The following WDPCP variants were observed in gnomAD, a reference collection of about 807,000 sequenced individuals.
WDPCP encodes WD repeat containing planar cell polarity effector.
WDPCP carries 71 observed loss-of-function variants against 93.1 expected under a neutral mutation model. The ratio of observed to expected loss-of-function variants is 0.76; its 90% CI spans 0.63 to 0.93. The LOEUF (loss-of-function observed/expected upper bound fraction) is 0.93, where lower values mean the gene tolerates loss of function less well. Among genes scored for constraint, WDPCP ranks in the 40% least tolerant of loss-of-function variants. The pLI is 0.00. For synonymous variants in WDPCP, 315 were observed against 315.0 expected (o/e 1.00, Z 0.00); for missense variants, 844 against 887.4 (o/e 0.95, Z 0.62).
chr2:63,353,394 C>A (rs1371714258), intron 12 of WDPCP, among the ~76,000 whole-genome samples: 1 of 152,198 alleles, frequency 6.6e-6, no homozygotes, highest in East Asian at 1.9e-4. Flanking sequence ...GCAAGTCCCA[C>A]TTCCACAGCA....
chr2:63,474,256 T>G (rs1044720318), intron 6 of WDPCP, among the ~76,000 whole-genome samples: 4 of 152,094 alleles, frequency 2.6e-5, no homozygotes, highest in Non-Finnish European at 4.4e-5. Flanking sequence ...TCCAGTGCAT[T>G]TTTTAATAAT....
chr2:63,369,909 T>C (rs1021707504), intron 12 of WDPCP, among the ~76,000 whole-genome samples: 3 of 152,162 alleles, frequency 2.0e-5, no homozygotes, highest in African/African-American at 4.8e-5. Flanking sequence ...TTTACTGCTA[T>C]TGCTATATTT....
At chr2:63,498,473 AT>A (rs1344787877) in intron 1 of WDPCP, among the ~76,000 whole-genome samples, 1 of 152,204 alleles carries the variant, frequency 6.6e-6, no homozygotes, top group Non-Finnish European at 1.5e-5. Context: ...CTTCACTCCA[AT>A]TTGGGTTACA....
chr2:63,463,599 A>T (rs1699161341), intron 6 of WDPCP, among the ~76,000 whole-genome samples: 1 of 152,170 alleles, frequency 6.6e-6, no homozygotes, highest in South Asian at 2.1e-4. Context: ...AATATATTAC[A>T]AAACTAATCA....
chr2:63,132,712 C>G (rs1670369597), intron 17 of WDPCP, among the ~76,000 whole-genome samples: 3 of 151,876 alleles, frequency 2.0e-5, no homozygotes, highest in Admixed American at 2.0e-4. Context: ...TAATGTCTAT[C>G]TCTGTTGAAA....
chr2:63,499,281 G>C (rs1206080801), intron 1 of WDPCP, among the ~76,000 whole-genome samples: 6 of 152,130 alleles, frequency 3.9e-5, no homozygotes, highest in Non-Finnish European at 2.9e-5. Context: ...GAATAAATTA[G>C]AAAGATGCAA....
At chr2:63,424,343 G>C (rs915934494) in intron 9 of WDPCP, among the ~76,000 whole-genome samples, 1 of 152,060 alleles carries the variant, frequency 6.6e-6, no homozygotes, top group African/African-American at 2.4e-5. Flanking sequence ...TTTTCCTCCA[G>C]GTAGTTCTAT....
chr2:63,446,325 G>A (rs1697863231), intron 6 of WDPCP, among the ~76,000 whole-genome samples: 1 of 152,156 alleles, frequency 6.6e-6, no homozygotes, highest in Non-Finnish European at 1.5e-5. Flanking sequence ...CTCATAGGAG[G>A]TAAACCCTAT....
chr2:63,138,142 A>G (rs1200470635), intron 17 of WDPCP, among the ~76,000 whole-genome samples: 1 of 131,252 alleles, frequency 7.6e-6, no homozygotes, highest in Admixed American at 8.2e-5. Context: ...ATTATTTCCC[A>G]CTTTTATTTG....
intron 1 of WDPCP, among the ~76,000 whole-genome samples, chr2:63,567,179 AC>A (rs1337121756): frequency 2.6e-5 from 4 of 152,236 alleles, no homozygotes; most frequent in Non-Finnish European, 5.9e-5. Flanking sequence ...AAATCTCTGG[AC>A]ATTGCTGACT....
chr2:63,197,136 A>T (rs1675497170), intron 14 of WDPCP, among the ~76,000 whole-genome samples: 1 of 152,108 alleles, frequency 6.6e-6, no homozygotes, highest in African/African-American at 2.4e-5. Context: ...ACCCCAAGAC[A>T]GCAATACCCA....
intron 12 of WDPCP, among the ~76,000 whole-genome samples, chr2:63,326,607 A>T (rs778612666): frequency 8.6e-5 from 13 of 151,892 alleles, no homozygotes; most frequent in Non-Finnish European, 1.5e-4. Flanking sequence ...AGAGAGAAAG[A>T]GACAGAGAGA....
intron 12 of WDPCP, among the ~76,000 whole-genome samples, chr2:63,321,639 T>C (rs1687102701): frequency 6.6e-6 from 1 of 152,180 alleles, no homozygotes; most frequent in South Asian, 2.1e-4. Context: ...TTATGAAAGG[T>C]AGCCCACAGC....
chr2:63,135,216 G>T (rs564729007), intron 17 of WDPCP, among the ~76,000 whole-genome samples: 1 of 152,336 alleles, frequency 6.6e-6, no homozygotes, highest in Non-Finnish European at 1.5e-5. Flanking sequence ...TTCAGGGCAC[G>T]TGATGTTTTT....
chr2:63,833,762 A>T, the WDPCP span, among the ~76,000 whole-genome samples: 3 of 152,218 alleles, frequency 2.0e-5, no homozygotes, highest in Non-Finnish European at 4.4e-5. Context: ...GAGGTTCTTT[A>T]ACATGACAAT....
At chr2:63,589,625 G>A (rs1378928237), upstream of WDPCP, among the ~76,000 whole-genome samples, 1 of 152,190 alleles carries the variant, frequency 6.6e-6, no homozygotes, top group Non-Finnish European at 1.5e-5. Context: ...ATATATTGAA[G>A]TGACAGCATC....
intron 6 of WDPCP, among the ~76,000 whole-genome samples, chr2:63,445,329 C>G (rs1337619016): frequency 1.3e-5 from 2 of 151,916 alleles, no homozygotes; most frequent in African/African-American, 4.8e-5. Flanking sequence ...CTGGGGTCTC[C>G]CAGTGGGATT....
At chr2:63,549,181 C>T (rs1249053278) in intron 1 of WDPCP, among the ~76,000 whole-genome samples, 5 of 136,670 alleles carry the variant, frequency 3.7e-5, no homozygotes, top group East Asian at 4.7e-4. Context: ...ACCTGGGAGG[C>T]GGAGGCTGCA....
chr2:63,704,892 C>T (rs1232843015), intron 2 of WDPCP, among the ~76,000 whole-genome samples: 1 of 152,106 alleles, frequency 6.6e-6, no homozygotes, highest in Non-Finnish European at 1.5e-5. Flanking sequence ...CCTCCTTGTA[C>T]CTCTGGTAGA....
Sources: allele counts gnomAD v4.1 joint callset (sites outside exome capture counted in the v4.1 genomes callset), GRCh38; gene constraint gnomAD v4.1.1; transcripts MANE v1.5; gene names NCBI Gene and HGNC (gene_info 2026-07-23, HGNC 2026-07-21).